Variants in RIF1 observed in about 807,000 individuals in gnomAD.
The protein encoded by RIF1 is replication timing regulatory factor 1.
Under a neutral mutation model 247.1 loss-of-function variants are expected in RIF1, and 45 were observed. That is an observed-to-expected ratio of 0.18 (90% CI 0.14 to 0.23). The LOEUF is 0.23. Ranked by LOEUF, RIF1 falls within the 10% of genes least tolerant of loss-of-function variation. RIF1 has a pLI of 1.00. For synonymous variants in RIF1, 1,087 were observed against 978.8 expected, an observed-to-expected ratio of 1.11 and a Z score of -2.06; for missense variants, 2,967 against 2,862.5, an observed-to-expected ratio of 1.04 and a Z score of -0.83.
At chr2:151,418,417 C>T (rs1377529889) in intron 6 of RIF1, among the ~76,000 whole-genome samples, 1 of 152,210 alleles carries the variant, frequency 6.6e-6, no homozygotes, top group Non-Finnish European at 1.5e-5. Flanking sequence ...GTTGGCCAGT[C>T]TGGAGTTGAA....
At chr2:151,457,657 GGTTA>G (rs1440274194) in intron 23 of RIF1, 100 bp from the exon 24 acceptor site, 5 of 748,738 alleles carry the variant, frequency 6.7e-6, no homozygotes, top group Admixed American at 2.5e-5. Flanking sequence ...CAACAGTGGG[GGTTA>G]GTTTAAAATT....
intron 11 of RIF1, chr2:151,502,821 ACT>A: frequency 6.2e-7 from 1 of 1,607,944 alleles, no homozygotes; most frequent in South Asian, 1.1e-5. Context: ...ATTGCGTTTG[ACT>A]CTCTCCATCT....
chr2:151,441,516 A>G (rs563569756), intron 15 of RIF1, among the ~76,000 whole-genome samples: 7 of 152,344 alleles, frequency 4.6e-5, no homozygotes, highest in Non-Finnish European at 8.8e-5. Context: ...GCAGAGTTTA[A>G]TATCATTAGT....
the RIF1 span, chr2:151,533,628 G>A: frequency 2.4e-6 from 2 of 849,110 alleles, no homozygotes; most frequent in Non-Finnish European, 1.9e-6. Flanking sequence ...AATCACCTCT[G>A]AGTGAAGAGA....
At position 151,463,976 on chromosome 2, in the gene RIF1, C is replaced by T; in HGVS notation, c.4456C>T (p.His1486Tyr). Residue 1486 changes from histidine (H) to tyrosine (Y), a missense_variant, in exon 30 of 36, where the codon CAT (histidine) becomes TAT (tyrosine). Transcript: ENST00000444746. ...TTTAATTGAGAAAGGAAGTAATTTA[C>T]ATGAGAAGACTCTTGGGGAAACTAG... ...ENLIEKGSNLHEKTLGETSAN... is the reference protein window; with the variant it reads ...ENLIEKGSNLYEKTLGETSAN... 1 of 1,608,252 alleles carries T rather than the reference C, an allele frequency of 6.2e-7. No homozygotes were observed. Among genetic ancestry groups the T allele is most frequent in the Non-Finnish European group, 8.5e-7 (1 of 1,178,646 alleles).
At chr2:151,499,439 G>C in exon 11 of RIF1, 1 of 1,024,360 alleles carries the variant, frequency 9.8e-7, no homozygotes, top group South Asian at 1.4e-5. Context: ...AGTCAAAACA[G>C]CCCTTTCATC....
intron 10 of RIF1, among the ~76,000 whole-genome samples, chr2:151,496,591 G>A (rs1301473615): frequency 5.3e-5 from 8 of 152,156 alleles, no homozygotes; most frequent in Non-Finnish European, 8.8e-5. Flanking sequence ...CTGGGGAAAG[G>A]CTGTCAGAGT....
rs1370199010 is a variant in RIF1, at chr2:151,437,006, A to AT, written c.1372+6dup. 6.2e-7 allele frequency: 1 copy of AT among 1,604,774 alleles called. No individual in the cohort carries two copies. The highest frequency in any genetic ancestry group is 8.5e-7 in the Non-Finnish European group (1 of 1,176,372). On this transcript the variant is annotated splice_donor_region_variant and intron_variant, in intron 12 of 35. Coordinates refer to ENST00000444746, the MANE Select transcript of RIF1 (RefSeq NM_018151.5). ...AAATAAACTTGTGCTGAGCTTAGGT[A>AT]TTTAAAGGTTTTAAGAATAATTTTA...
rs754815353 is a variant in RIF1 at position 151,410,489 on chromosome 2, C to T, written c.66C>T (p.Ser22=). The change falls in exon 2 of 36, where the codon TCC becomes TCT. Residue 22 remains serine, a synonymous_variant. Transcript: ENST00000444746. ...AGACTTTGGAAGACCCTTCTGCCTC[C>T]CATGGAGGGCAGACTGACGCTTACC... is the stretch of plus-strand genomic sequence containing the variant. ...LLETLEDPSA[S]HGGQTDAYLT... 1 of 1,614,074 alleles carries T rather than the reference C, an allele frequency of 6.2e-7. No individual in the cohort carries two copies. The highest frequency in any genetic ancestry group is 8.5e-7 in the Non-Finnish European group (1 of 1,180,010).
chr2:151,437,493 C>T (rs994942906), intron 13 of RIF1, 142 bp downstream of exon 13: 2 of 621,918 alleles, frequency 3.2e-6, no homozygotes, highest in Non-Finnish European at 5.7e-6. Context: ...GAGTTCGAGA[C>T]CAGCCTGGGC....
At chr2:151,431,529 C>G (rs569182051) in intron 9 of RIF1, among the ~76,000 whole-genome samples, 1 of 152,292 alleles carries the variant, frequency 6.6e-6, no homozygotes, top group Non-Finnish European at 1.5e-5. Flanking sequence ...CGTGGTGGCT[C>G]ACGCCTGTAA....
In RIF1 at chr2:151,463,046, G is replaced by T. The variant is rs1696429161; in HGVS notation, c.3526G>T (p.Ala1176Ser). 6.2e-7 allele frequency: 1 copy of T among 1,613,844 alleles called. No individual in the cohort carries two copies. Among genetic ancestry groups the T allele is most frequent in the Non-Finnish European group, 8.5e-7 (1 of 1,179,888 alleles). The change falls in exon 30 of 36, where the codon GCT (alanine) becomes TCT (serine). Residue 1176 changes from alanine (A) to serine (S), a missense_variant. By Grantham distance (99) the Ala-to-Ser change is moderately conservative. Around this residue, in one of 7 missense-constraint regions of RIF1, gnomAD observed 2,028 missense variants for 1,825.6 expected, o/e 1.11. Transcript: ENST00000444746. ...SNSNNDERKKALISSRKTSTE... is the reference protein window; with the variant it reads ...SNSNNDERKKSLISSRKTSTE... ...CAGTAATAATGATGAAAGAAAAAAA[G>T]CTTTAATTTCATCAAGGAAAACATC...
chr2:151,433,352 C>G, intron 10 of RIF1, 124 bp downstream of exon 10: 1 of 584,612 alleles, frequency 1.7e-6, no homozygotes. Context: ...TATAAAAGGT[C>G]TTTCACTTTA....
At chr2:151,492,586 A>G in intron 9 of RIF1, 1 of 935,548 alleles carries the variant, frequency 1.1e-6, no homozygotes. Flanking sequence ...GGAGCTGGTG[A>G]GGGACGCTTG....
At chr2:151,531,020 G>A in the RIF1 span, 85 of 1,613,094 alleles carry the variant, frequency 5.3e-5, no homozygotes, top group East Asian at 8.9e-5. Context: ...TTAACCTTGC[G>A]GACATGCAGC....
intron 10 of RIF1, chr2:151,498,220 GAAGTT>G (rs774384469): frequency 5.9e-5 from 91 of 1,550,172 alleles, no homozygotes; most frequent in South Asian, 1.3e-4. Flanking sequence ...GTTTAATTCT[GAAGTT>G]AAGTGGCATT....
At chr2:151,497,318 T>TAAAC (rs2060898528) in intron 10 of RIF1, 5 of 979,576 alleles carry the variant, frequency 5.1e-6, no homozygotes, top group South Asian at 4.7e-5. Flanking sequence ...CCATGCCTCC[T>TAAAC]AAACAATTAT....
chr2:151,502,692 A>ATTATT (rs2153099430), intron 11 of RIF1: 1 of 727,834 alleles, frequency 1.4e-6, no homozygotes, highest in East Asian at 2.7e-5. Context: ...ATTTGGTATC[A>ATTATT]TTATTTTCAT....
rs747474929 is a variant in RIF1, at chr2:151,498,393, A to G, written c.*514-952A>G. On this transcript the variant is annotated intron_variant and NMD_transcript_variant, in intron 10 of 13. Coordinates refer to the RIF1 transcript ENST00000454583. ...GCATCCAGAACAAAAAAAGCAATCA[A>G]TCAGTCATTTTCCCCCTGCTTTGGA... 97 of 1,422,770 alleles carry G rather than the reference A, an allele frequency of 6.8e-5. 1 individual carries two copies. In the South Asian group the frequency reaches 9.7e-4, roughly 14 times the overall value. The allele number at this position is 1,422,770 out of a possible 1,614,324, so 88.1% of individuals were successfully genotyped here.
Sources: gnomAD v4.1 joint callset for allele counts (sites outside exome capture counted in the v4.1 genomes callset) on GRCh38, gnomAD v4.1.1 for gene constraint, gnomAD v4.1.1 regional missense constraint, MANE v1.5 for transcripts, NCBI Gene and HGNC (gene_info 2026-07-23, HGNC 2026-07-21) for gene names.